The following C17orf67 variants were observed in gnomAD, a reference collection of about 807,000 sequenced individuals.
C17orf67 encodes the protein chromosome 17 open reading frame 67.
A neutral mutation model predicts 11.2 loss-of-function variants in C17orf67; 12 were observed. The ratio of observed to expected loss-of-function variants is 1.07; its 90% CI spans 0.68 to 1.73. The LOEUF (loss-of-function observed/expected upper bound fraction) is 1.73, where lower values mean the gene tolerates loss of function less well. Among genes scored for constraint, C17orf67 ranks in the 40% most tolerant of loss-of-function variants. C17orf67 has a pLI of 0.00. For synonymous variants in C17orf67, 59 were observed against 46.9 expected (o/e 1.26, Z -1.05); for missense variants, 115 against 113.5 (o/e 1.01, Z -0.06).
chr17:56,801,751 A>G (rs530975011), intron 6 of C17orf67, among the ~76,000 whole-genome samples: 11 of 152,266 alleles, frequency 7.2e-5, no homozygotes, highest in African/African-American at 2.4e-4. Context: ...CTATCCAGGG[A>G]GTCTTTGGCC....
intron 4 of C17orf67, among the ~76,000 whole-genome samples, chr17:56,816,804 A>G (rs1351199152): frequency 6.6e-6 from 1 of 152,192 alleles, no homozygotes; most frequent in Non-Finnish European, 1.5e-5. Flanking sequence ...TCATCTATAA[A>G]TATCACATGA....
At chr17:56,803,211 G>A (rs6503765) in intron 6 of C17orf67, among the ~76,000 whole-genome samples, 100,301 of 152,122 alleles carry the variant, frequency 0.66, 33,254 homozygotes, top group East Asian at 0.82. Context: ...AACTGGCTAT[G>A]CATGTTTTAT....
At chr17:56,828,717 C>T (rs962369940) in intron 2 of C17orf67, among the ~76,000 whole-genome samples, 2 of 152,118 alleles carry the variant, frequency 1.3e-5, no homozygotes, top group African/African-American at 2.4e-5. Flanking sequence ...AACTACTATC[C>T]TAACTTTCGT....
intron 6 of C17orf67, among the ~76,000 whole-genome samples, chr17:56,813,792 C>T (rs1567797127): frequency 6.6e-6 from 1 of 151,418 alleles, no homozygotes; most frequent in South Asian, 2.1e-4. Flanking sequence ...TTTGTTTTAT[C>T]ATCATAAAAT....
At chr17:56,800,327 A>C (rs1421410483) in intron 6 of C17orf67, among the ~76,000 whole-genome samples, 1 of 152,126 alleles carries the variant, frequency 6.6e-6, no homozygotes, top group Non-Finnish European at 1.5e-5. Flanking sequence ...AGCCTCCCAA[A>C]GTGCTGGGAT....
chr17:56,829,572 G>A (rs1906137188), intron 2 of C17orf67, among the ~76,000 whole-genome samples: 1 of 152,176 alleles, frequency 6.6e-6, no homozygotes, highest in South Asian at 2.1e-4. Flanking sequence ...CTCCAGAGCT[G>A]CCAGGCCAGG....
intron 5 of C17orf67, 108 bp from the exon 6 acceptor site, chr17:56,815,077 G>T: frequency 4.3e-6 from 4 of 928,752 alleles, no homozygotes; most frequent in Non-Finnish European, 7.1e-6. Context: ...GTTAAAACAT[G>T]AAAGTTCTTT....
At chr17:56,809,758 C>T (rs1905553060) in intron 6 of C17orf67, among the ~76,000 whole-genome samples, 1 of 147,166 alleles carries the variant, frequency 6.8e-6, no homozygotes, top group African/African-American at 2.5e-5. Flanking sequence ...CACCCTCACA[C>T]ACACCCCTCT....
chr17:56,815,035 T>C, intron 5 of C17orf67, 66 bp from the exon 6 acceptor site: 2 of 1,343,550 alleles, frequency 1.5e-6, no homozygotes, highest in South Asian at 1.2e-5. Flanking sequence ...ATCTCAACAG[T>C]CCAAGGCAAA....
chr17:56,804,551 G>T (rs1324054084), intron 6 of C17orf67, among the ~76,000 whole-genome samples: 1 of 152,144 alleles, frequency 6.6e-6, no homozygotes, highest in Non-Finnish European at 1.5e-5. Flanking sequence ...GGGAACAAAA[G>T]GGTAATGGAG....
At chr17:56,815,303 T>A (rs1034511397) in intron 5 of C17orf67, among the ~76,000 whole-genome samples, 2 of 152,172 alleles carry the variant, frequency 1.3e-5, no homozygotes, top group African/African-American at 2.4e-5. Context: ...TTTTTTTTAA[T>A]CCTCACTACA....
At chr17:56,817,335 G>A (rs970814166) in intron 4 of C17orf67, among the ~76,000 whole-genome samples, 3 of 152,054 alleles carry the variant, frequency 2.0e-5, no homozygotes, top group Admixed American at 2.0e-4. Context: ...TATTAAACCT[G>A]AATGTGCTGC....
chr17:56,830,478 T>A (rs1004288541), intron 2 of C17orf67, among the ~76,000 whole-genome samples: 2 of 152,222 alleles, frequency 1.3e-5, no homozygotes, highest in South Asian at 2.1e-4. Context: ...AAAACAAAAT[T>A]AATAAATTAC....
At chr17:56,811,864 C>T (rs962266476) in intron 6 of C17orf67, among the ~76,000 whole-genome samples, 25 of 152,198 alleles carry the variant, frequency 1.6e-4, no homozygotes, top group African/African-American at 6.0e-4. Flanking sequence ...TTTATGTTCC[C>T]AACTAGACCA....
Position 56,815,785 on chromosome 17 carries a change from A to G in C17orf67, c.26T>C (p.Leu9Pro), listed in dbSNP as rs761269745. ...GAAGACAGTCAGTAAGGTAAGAGACAGCACGAGCACAGGCAATGTCTTCAT... is the reference window on the plus strand; with the variant it reads ...GAAGACAGTCAGTAAGGTAAGAGACGGCACGAGCACAGGCAATGTCTTCAT... MKTLPVLV[L>P]SLTLLTVFSE... Residue 9 changes from leucine (L) to proline (P), a missense_variant, in exon 5 of 8, where the codon CTG (leucine) becomes CCG (proline). Transcript: ENST00000397861. The G allele has an allele frequency of 6.2e-7, 1 of 1,613,850 alleles. No individual in the cohort carries two copies. The highest frequency in any genetic ancestry group is 1.7e-5 in the Admixed American group (1 of 60,020).
intron 6 of C17orf67, among the ~76,000 whole-genome samples, chr17:56,805,823 T>C (rs970160310): frequency 2.6e-5 from 4 of 152,094 alleles, no homozygotes; most frequent in Non-Finnish European, 5.9e-5. Context: ...ATTATAATAA[T>C]ATGAGGACAT....
Position 56,813,114 on chromosome 17 carries a change from A to G in C17orf67, c.156+1755T>C, listed in dbSNP as rs568404066. Reference sequence around the variant, plus strand: ...GAGCCACTGCTTTGAGGACTCTTCAACCAGCTCCCCCAGCCCCTGCCGGGT... The same window carrying G: ...GAGCCACTGCTTTGAGGACTCTTCAGCCAGCTCCCCCAGCCCCTGCCGGGT... On this transcript the variant is annotated intron_variant, in intron 6 of 7. Coordinates refer to ENST00000397861, the MANE Select transcript of C17orf67 (RefSeq NM_001085430.4). 1.8e-4 allele frequency among the ~76,000 whole-genome samples: 28 copies of G among 152,266 alleles called. 1 individual carries two copies. Among genetic ancestry groups the G allele is most frequent in the Admixed American group, 1.8e-3 (27 of 15,300 alleles).
chr17:56,827,607 G>A lies in C17orf67; in HGVS notation c.-556-2286C>T, dbSNP rs555042087. Reference sequence around the variant, plus strand: ...AGTGATCTCAGTCCCACTATTGGCCGTGTGGGACTGCAGTGTCATGGAGGG... The same window carrying A: ...AGTGATCTCAGTCCCACTATTGGCCATGTGGGACTGCAGTGTCATGGAGGG... On this transcript the variant is annotated intron_variant, in intron 2 of 7. Coordinates refer to ENST00000397861, the MANE Select transcript of C17orf67 (RefSeq NM_001085430.4). Among the ~76,000 whole-genome samples the A allele has an allele frequency of 8.3e-4, 127 of 152,338 alleles. 1 individual carries two copies. The highest frequency in any genetic ancestry group is 2.7e-3 in the African/African-American group (113 of 41,572).
chr17:56,806,231 C>T (rs1905449005), intron 6 of C17orf67, among the ~76,000 whole-genome samples: 1 of 152,132 alleles, frequency 6.6e-6, no homozygotes, highest in African/African-American at 2.4e-5. Flanking sequence ...GCCTCAGCCT[C>T]CCAAAGTGCT....
Sources: allele counts gnomAD v4.1 joint callset (sites outside exome capture counted in the v4.1 genomes callset), GRCh38; gene constraint gnomAD v4.1.1; transcripts MANE v1.5; gene names NCBI Gene and HGNC (gene_info 2026-07-23, HGNC 2026-07-21).